The following COL6A6 variants were observed in gnomAD, a reference collection of about 807,000 sequenced individuals.
The protein encoded by COL6A6 is collagen alpha-6(VI) chain.
In COL6A6, 183 loss-of-function variants were observed where a neutral mutation model predicts 208.6. That is an observed-to-expected ratio of 0.88 (90% confidence interval 0.78 to 0.99). The LOEUF is 0.99. COL6A6 is among the 50% of genes least tolerant of loss of function. The pLI is 0.00. For synonymous variants in COL6A6, 973 were observed against 1,011.8 expected, an observed-to-expected ratio of 0.96 and a Z score of 0.73; for missense variants, 2,816 against 2,815.2, an observed-to-expected ratio of 1.00 and a Z score of -0.01.
chr3:130,582,056 CT>C lies in COL6A6; in HGVS notation c.3960del (p.Arg1321GlufsTer5). ...VEKLEQKSDELRKEGLNALIT... is the reference protein window; with the variant it reads ...VEKLEQKSDEXRKEGLNALIT... ...GAAACTTGAACAAAAATCTGATGAA[CT>C]TAGAAAAGAAGGTACTGAGTATGGA... On this transcript the variant is annotated frameshift_variant, in exon 10 of 37. Transcript: ENST00000358511. LOFTEE classifies it high-confidence loss of function. 6.3e-7 allele frequency: 1 copy of C among 1,594,762 alleles called. No individual in the cohort carries two copies. Among genetic ancestry groups the C allele is most frequent in the Non-Finnish European group, 8.6e-7 (1 of 1,166,408 alleles).
In COL6A6 at chr3:130,589,174, G is replaced by A; in HGVS notation, c.4210G>A (p.Gly1404Arg). The change falls in exon 12 of 37, where the codon GGG (glycine) becomes AGG (arginine). Residue 1404 changes from glycine to arginine, a missense_variant. Coordinates refer to ENST00000358511, the MANE Select transcript of COL6A6 (RefSeq NM_001102608.3). Reference protein sequence around the residue: ...DGTMGDPGPPGKRGPPGFKGS... With the variant: ...DGTMGDPGPPRKRGPPGFKGS... ...CACAATGGGAGATCCTGGACCACCA[G>A]GGAAAAGGGTGATTTTAGCTCAGAT... The A allele has an allele frequency of 6.2e-7, 1 of 1,612,724 alleles. No homozygotes were observed. Among genetic ancestry groups the A allele is most frequent in the Non-Finnish European group, 8.5e-7 (1 of 1,178,778 alleles).
At chr3:130,530,233 C>T (rs1178999947) in intron 1 of COL6A6, among the ~76,000 whole-genome samples, 1 of 152,144 alleles carries the variant, frequency 6.6e-6, no homozygotes, top group Non-Finnish European at 1.5e-5. Context: ...TGTACCTCAG[C>T]ATTCTCATCT....
intron 10 of COL6A6, among the ~76,000 whole-genome samples, chr3:130,583,731 C>T (rs1006263661): frequency 1.3e-5 from 2 of 152,148 alleles, no homozygotes; most frequent in Non-Finnish European, 2.9e-5. Flanking sequence ...CAGACTTACA[C>T]CAAGCAAGAT....
At chr3:130,578,508 T>G (rs150521214) in intron 8 of COL6A6, among the ~76,000 whole-genome samples, 43 of 152,224 alleles carry the variant, frequency 2.8e-4, no homozygotes, top group African/African-American at 9.4e-4. Flanking sequence ...TGTTACCAAG[T>G]TAGCCACAGC....
chr3:130,644,168 C>T (rs1247148218), intron 31 of COL6A6, among the ~76,000 whole-genome samples: 1 of 152,178 alleles, frequency 6.6e-6, no homozygotes, highest in East Asian at 1.9e-4. Context: ...TTAACTTTTG[C>T]ATATTTTATT....
chr3:130,554,287 G>A (rs2062715879), intron 1 of COL6A6, among the ~76,000 whole-genome samples: 1 of 152,244 alleles, frequency 6.6e-6, no homozygotes, highest in South Asian at 2.1e-4. Flanking sequence ...ATGGAGTGGG[G>A]CTGCTGGCAT....
chr3:130,604,494 CA>C (rs559789872), intron 20 of COL6A6, among the ~76,000 whole-genome samples: 2,060 of 83,996 alleles, frequency 0.025, 42 homozygotes, highest in African/African-American at 0.07. Context: ...GACTCCGTCT[CA>C]AAAAAAAAAA....
intron 20 of COL6A6, 77 bp downstream of exon 20, chr3:130,599,887 G>T (rs2063961043): frequency 7.3e-7 from 1 of 1,378,884 alleles, no homozygotes; most frequent in Non-Finnish European, 1.0e-6. Context: ...CTTTGGGGGA[G>T]TGGGTGGGAT....
intron 4 of COL6A6, 144 bp from the exon 5 acceptor site, chr3:130,566,558 C>A: frequency 1.6e-6 from 1 of 643,084 alleles, no homozygotes; most frequent in Non-Finnish European, 2.6e-6. Context: ...CCATTTTAAG[C>A]TAACAAAGCA....
Position 130,574,130 on chromosome 3 carries a change from A to G in COL6A6, c.3152A>G (p.Glu1051Gly). 1.2e-6 allele frequency: 2 copies of G among 1,614,026 alleles called. No individual in the cohort carries two copies. The highest frequency in any genetic ancestry group is 1.7e-6 in the Non-Finnish European group (2 of 1,179,892). ...CAGTTTAGCGATACCTATCACCCGG[A>G]GTTTCCACTGGGAACTTTCATAGGT... ...AAQFSDTYHP[E>G]FPLGTFIGEK... The change falls in exon 8 of 37, where the codon GAG becomes GGG. Residue 1051 changes from glutamate to glycine, a missense_variant. Coordinates refer to ENST00000358511, the MANE Select transcript of COL6A6 (RefSeq NM_001102608.3).
chr3:130,614,236 C>G (rs1467661237), intron 23 of COL6A6, among the ~76,000 whole-genome samples: 2 of 152,092 alleles, frequency 1.3e-5, no homozygotes, highest in African/African-American at 4.8e-5. Context: ...TGAATTGTAT[C>G]AAAAGCCTTT....
At chr3:130,672,683 C>A (rs1034526235) in intron 36 of COL6A6, among the ~76,000 whole-genome samples, 3 of 151,410 alleles carry the variant, frequency 2.0e-5, no homozygotes, top group African/African-American at 7.3e-5. Context: ...GGATTACAGG[C>A]GTGAGCCACC....
chr3:130,658,245 G>A (rs906365490), intron 33 of COL6A6, among the ~76,000 whole-genome samples: 1 of 152,120 alleles, frequency 6.6e-6, no homozygotes, highest in Non-Finnish European at 1.5e-5. Context: ...TCTTTTGATC[G>A]GTCCTTTTAA....
At chr3:130,580,307 A>G (rs1452396279) in intron 8 of COL6A6, among the ~76,000 whole-genome samples, 8 of 152,242 alleles carry the variant, frequency 5.3e-5, no homozygotes, top group Non-Finnish European at 8.8e-5. Flanking sequence ...GAGATTTCCA[A>G]TAAAATACAG....
intron 23 of COL6A6, among the ~76,000 whole-genome samples, chr3:130,618,557 G>A (rs925296126): frequency 2.0e-5 from 3 of 152,154 alleles, no homozygotes; most frequent in Non-Finnish European, 4.4e-5. Context: ...CTTTCTGAGG[G>A]TGACAATTTT....
chr3:130,648,459 C>T (rs1324568745), intron 32 of COL6A6, among the ~76,000 whole-genome samples: 1 of 152,070 alleles, frequency 6.6e-6, no homozygotes, highest in Non-Finnish European at 1.5e-5. Context: ...TTATGACTCA[C>T]ATTTTACAGA....
At chr3:130,564,067 C>T (rs2062959561) in intron 3 of COL6A6, among the ~76,000 whole-genome samples, 2 of 152,154 alleles carry the variant, frequency 1.3e-5, no homozygotes, top group East Asian at 3.8e-4. Context: ...GAATGTTAGA[C>T]CTAAAGGCAA....
chr3:130,554,572 A>G (rs866427381), intron 1 of COL6A6, among the ~76,000 whole-genome samples: 1 of 152,108 alleles, frequency 6.6e-6, no homozygotes, highest in Non-Finnish European at 1.5e-5. Flanking sequence ...TGGCAGTGGC[A>G]ACGGTGGGGC....
rs1285835190 is a variant in COL6A6 at position 130,676,701 on chromosome 3, C to T, written c.*1304C>T. On this transcript the variant is annotated 3_prime_UTR_variant, in exon 37 of 37. Coordinates refer to ENST00000358511, the MANE Select transcript of COL6A6 (RefSeq NM_001102608.3). ...TATCTGCAGTATTTTTTTAAAACGA[C>T]TTCTGCTATTCTTACTTAGAGAAAT... The T allele has an allele frequency of 6.6e-6, 1 of 152,212 alleles. No individual in the cohort carries two copies. Among genetic ancestry groups the T allele is most frequent in the African/African-American group, 2.4e-5 (1 of 41,456 alleles). The allele number at this position is 152,212 out of a possible 1,614,324, so 9.4% of individuals were successfully genotyped here.
Sources: allele counts gnomAD v4.1 joint callset (sites outside exome capture counted in the v4.1 genomes callset), GRCh38; gene constraint gnomAD v4.1.1; transcripts MANE v1.5; gene names NCBI Gene and HGNC (gene_info 2026-07-23, HGNC 2026-07-21).